SPATS2: variants seen among roughly 807,000 people sequenced by gnomAD.
The protein encoded by SPATS2 is spermatogenesis associated serine rich 2.
A neutral mutation model predicts 63.7 loss-of-function variants in SPATS2; 38 were observed. The observed-to-expected ratio is 0.60, with a 90% CI of 0.46 to 0.78. The LOEUF is 0.78. Among genes scored for constraint, SPATS2 ranks in the 30% least tolerant of loss-of-function variants. The pLI is 0.00. For missense variants in SPATS2, 588 were observed against 666.2 expected (o/e 0.88, Z 1.29); for synonymous variants, 207 against 232.9 (o/e 0.89, Z 1.01).
chr12:49,376,346 G>A (rs556162332), intron 2 of SPATS2, among the ~76,000 whole-genome samples: 12 of 151,328 alleles, frequency 7.9e-5, no homozygotes, highest in Admixed American at 2.6e-4. Context: ...CAGGTGATCC[G>A]CCTGCCTCGG....
At chr12:49,457,637 C>T (rs1015008311) in intron 2 of SPATS2, among the ~76,000 whole-genome samples, 1 of 151,944 alleles carries the variant, frequency 6.6e-6, no homozygotes, top group Non-Finnish European at 1.5e-5. Context: ...TTCACCATGC[C>T]GGTCAGACTG....
intron 3 of SPATS2, among the ~76,000 whole-genome samples, chr12:49,477,498 A>AT (rs1946137571): frequency 6.6e-6 from 1 of 152,156 alleles, no homozygotes; most frequent in Non-Finnish European, 1.5e-5. Context: ...ACAAGTGTGG[A>AT]TTTTTTCTGA....
chr12:49,374,635 A>T lies in SPATS2; in HGVS notation c.-244+3345A>T, dbSNP rs376893132. Among the ~76,000 whole-genome samples the T allele has an allele frequency of 4.6e-5, 7 of 152,244 alleles. No individual in the cohort carries two copies. In the East Asian group the frequency reaches 9.7e-4, roughly 21 times the overall value. ...GATGTTACTTAAAGGTAACTTCTGC[A>T]GCCATTGTCCTATGACTAATTTGTG... On this transcript the variant is annotated intron_variant, in intron 2 of 13. Transcript: ENST00000552918.
chr12:49,522,065 T>C (rs568981761), intron 11 of SPATS2, among the ~76,000 whole-genome samples: 3 of 152,180 alleles, frequency 2.0e-5, no homozygotes, highest in Non-Finnish European at 2.9e-5. Flanking sequence ...CCTTAGACAT[T>C]GTTTAATGAA....
intron 2 of SPATS2, among the ~76,000 whole-genome samples, chr12:49,452,985 G>A (rs991808672): frequency 6.6e-6 from 1 of 151,734 alleles, no homozygotes; most frequent in Non-Finnish European, 1.5e-5. Flanking sequence ...GTGAAACCCC[G>A]TCTCTACTAA....
At chr12:49,414,726 CTGA>C (rs2137380390) in intron 2 of SPATS2, among the ~76,000 whole-genome samples, 1 of 151,932 alleles carries the variant, frequency 6.6e-6, no homozygotes, top group Non-Finnish European at 1.5e-5. Context: ...CCTCAGCCTC[CTGA>C]GTAGCCAGGA....
At chr12:49,462,792 A>C (rs761187389) in intron 3 of SPATS2, 1 of 320,800 alleles carries the variant, frequency 3.1e-6, no homozygotes, top group African/African-American at 2.2e-5. Context: ...CTGTCCCTCT[A>C]AAGTCAACCC....
intron 2 of SPATS2, among the ~76,000 whole-genome samples, chr12:49,450,506 A>G (rs1945601095): frequency 6.6e-6 from 1 of 151,686 alleles, no homozygotes; most frequent in African/African-American, 2.4e-5. Context: ...GGCCTCCCAA[A>G]GTGCTGGGAT....
intron 2 of SPATS2, among the ~76,000 whole-genome samples, chr12:49,384,217 C>T (rs912498645): frequency 1.1e-4 from 16 of 152,208 alleles, no homozygotes; most frequent in Non-Finnish European, 1.0e-4. Context: ...CTTCTTGCCT[C>T]GGCCTCCCAA....
chr12:49,443,515 C>CT (rs797022408), intron 2 of SPATS2, among the ~76,000 whole-genome samples: 84 of 148,152 alleles, frequency 5.7e-4, no homozygotes, highest in East Asian at 1.8e-3. Flanking sequence ...TGAATTCTAG[C>CT]TTTTTTTTTT....
At chr12:49,455,501 G>A (rs1447192502) in intron 2 of SPATS2, among the ~76,000 whole-genome samples, 6 of 152,294 alleles carry the variant, frequency 3.9e-5, no homozygotes, top group East Asian at 3.9e-4. Context: ...TCAGCTTCCC[G>A]GGCTCAAGCA....
At chr12:49,422,482 T>C (rs775617719) in intron 2 of SPATS2, among the ~76,000 whole-genome samples, 2 of 152,216 alleles carry the variant, frequency 1.3e-5, no homozygotes, top group Admixed American at 6.5e-5. Flanking sequence ...TTCCCTCTAG[T>C]TATTTTTGTC....
intron 2 of SPATS2, among the ~76,000 whole-genome samples, chr12:49,418,741 G>A (rs557251506): frequency 2.6e-5 from 4 of 152,224 alleles, no homozygotes; most frequent in Non-Finnish European, 2.9e-5. Flanking sequence ...GTGGCCAGCC[G>A]ACTAAATTAC....
At chr12:49,396,309 T>G (rs895889709) in intron 2 of SPATS2, among the ~76,000 whole-genome samples, 3 of 152,208 alleles carry the variant, frequency 2.0e-5, no homozygotes, top group Non-Finnish European at 1.5e-5. Flanking sequence ...GCTGCACTGT[T>G]TTACATTCCC....
At chr12:49,378,957 G>T (rs1015461302) in intron 2 of SPATS2, among the ~76,000 whole-genome samples, 1 of 150,544 alleles carries the variant, frequency 6.6e-6, no homozygotes, top group Non-Finnish European at 1.5e-5. Flanking sequence ...TCCCTCTGTC[G>T]ACCAGGCTGG....
At chr12:49,379,313 T>C (rs1479055096) in intron 2 of SPATS2, among the ~76,000 whole-genome samples, 18 of 150,416 alleles carry the variant, frequency 1.2e-4, no homozygotes, top group African/African-American at 4.1e-4. Context: ...TCTGGGAGGC[T>C]GAGGTGGGTG....
At chr12:49,401,147 A>G (rs1402594837) in intron 2 of SPATS2, among the ~76,000 whole-genome samples, 2 of 152,222 alleles carry the variant, frequency 1.3e-5, no homozygotes, top group East Asian at 3.9e-4. Flanking sequence ...AGTAGCTGGA[A>G]CTATAGCCAA....
intron 3 of SPATS2, among the ~76,000 whole-genome samples, chr12:49,466,011 CTT>C (rs750603483): frequency 4.3e-5 from 6 of 139,624 alleles, no homozygotes; most frequent in Admixed American, 7.2e-5. Context: ...CCCAATTTAT[CTT>C]TTTTTTTTTT....
At chr12:49,440,165 G>A (rs531355104) in intron 2 of SPATS2, among the ~76,000 whole-genome samples, 14 of 152,186 alleles carry the variant, frequency 9.2e-5, no homozygotes, top group Middle Eastern at 6.8e-3. Context: ...TGAGAGAGTA[G>A]GCTGTAGACT....
Sources: gnomAD v4.1 joint callset for allele counts (sites outside exome capture counted in the v4.1 genomes callset) on GRCh38, gnomAD v4.1.1 for gene constraint, MANE v1.5 for transcripts, NCBI Gene and HGNC (gene_info 2026-07-23, HGNC 2026-07-21) for gene names.